Variants in MYH7B observed in about 807,000 individuals in gnomAD.
The protein encoded by MYH7B is myosin-7B.
Under a neutral mutation model 234.5 loss-of-function variants are expected in MYH7B, and 205 were observed. The ratio of observed to expected loss-of-function variants is 0.87; its 90% confidence interval spans 0.78 to 0.98. The LOEUF (loss-of-function observed/expected upper bound fraction) is 0.98, where lower values mean the gene tolerates loss of function less well. MYH7B is among the 50% of genes least tolerant of loss of function. The probability of loss-of-function intolerance (pLI) is 0.00; values close to 1 mark genes in which losing one functional copy is unlikely to be tolerated. For synonymous variants in MYH7B, 1,193 were observed against 1,105.0 expected, an observed-to-expected ratio of 1.08 and a Z score of -1.58; for missense variants, 2,652 against 2,633.4, an observed-to-expected ratio of 1.01 and a Z score of -0.15.
chr20:34,959,081 G>C (rs1344993113), intron 2 of MYH7B, among the ~76,000 whole-genome samples: 1 of 152,140 alleles, frequency 6.6e-6, no homozygotes, highest in Non-Finnish European at 1.5e-5. Flanking sequence ...ATCTCCATTG[G>C]GTGAATAAGA....
intron 20 of MYH7B, 26 bp from the exon 21 acceptor site, chr20:34,989,988 G>C: frequency 6.2e-7 from 1 of 1,613,650 alleles, no homozygotes; most frequent in Non-Finnish European, 8.5e-7. Context: ...TCCCACCCGG[G>C]CTCAGCACCT....
At chr20:34,997,018 A>AC in intron 30 of MYH7B, 65 bp from the exon 31 acceptor site, 1 of 1,363,112 alleles carries the variant, frequency 7.3e-7, no homozygotes, top group Non-Finnish European at 9.5e-7. Context: ...GGGGGGCGTT[A>AC]TGGGGTCCCA....
intron 5 of MYH7B, among the ~76,000 whole-genome samples, 177 bp downstream of exon 5, chr20:34,978,273 T>C (rs978229857): frequency 2.6e-5 from 4 of 152,120 alleles, no homozygotes; most frequent in African/African-American, 7.2e-5. Context: ...CCAGGGACAC[T>C]GTATATCACT....
Position 35,000,751 on chromosome 20 carries a change from ACTC to A in MYH7B, c.5179-13_5179-11del, listed in dbSNP as rs2082357374. On this transcript the variant is annotated splice_polypyrimidine_tract_variant and intron_variant, in intron 39 of 44. Transcript: ENST00000262873. ...GGCCTGCTGGCTGGCTGGCTCTGAG[ACTC>A]CTCTTCCCCTCAGAACACAGGCCTC... is the stretch of plus-strand genomic sequence containing the variant. The A allele has an allele frequency of 2.5e-6, 4 of 1,609,524 alleles. No individual in the cohort carries two copies. The highest frequency in any genetic ancestry group is 3.4e-6 in the Non-Finnish European group (4 of 1,178,128).
intron 10 of MYH7B, among the ~76,000 whole-genome samples, chr20:34,984,007 G>GTGAC (rs1164746839): frequency 1.3e-5 from 2 of 152,206 alleles, no homozygotes; most frequent in Admixed American, 1.3e-4. Flanking sequence ...GTCCCCCTGG[G>GTGAC]TGACACACAG....
intron 24 of MYH7B, among the ~76,000 whole-genome samples, chr20:34,992,303 C>G (rs985820460): frequency 2.0e-5 from 3 of 150,638 alleles, no homozygotes; most frequent in South Asian, 2.1e-4. Flanking sequence ...GGAGAATGGC[C>G]TGAACCCGGG....
exon 36 of MYH7B, chr20:34,999,134 G>A (rs1332937969): frequency 1.2e-6 from 2 of 1,613,644 alleles, no homozygotes; most frequent in East Asian, 2.2e-5. Flanking sequence ...CGTTGGAGAA[G>A]GCCAAGCTGC....
chr20:35,001,305 G>A (rs1453252811), exon 42 of MYH7B: 1 of 1,612,682 alleles, frequency 6.2e-7, no homozygotes, highest in Admixed American at 1.7e-5. Context: ...GGCCCTTAAG[G>A]GCGTGCGCAA....
chr20:34,989,894 TCGAGGTGGTCCACTA>T, exon 20 of MYH7B: 1 of 1,614,102 alleles, frequency 6.2e-7, no homozygotes, highest in South Asian at 1.1e-5. Context: ...CAGGCCCACT[TCGAGGTGGTCCACTA>T]CGCAGGCGTG....
chr20:34,995,608 C>A, intron 28 of MYH7B, 30 bp downstream of exon 28: 1 of 1,609,734 alleles, frequency 6.2e-7, no homozygotes, highest in East Asian at 2.2e-5. Flanking sequence ...TGGGGAAGGG[C>A]CCTGAGCCAG....
chr20:34,986,607 G>A (rs2082027965), intron 14 of MYH7B, among the ~76,000 whole-genome samples: 1 of 152,242 alleles, frequency 6.6e-6, no homozygotes, highest in South Asian at 2.1e-4. Flanking sequence ...GTCAAAAGAT[G>A]AGTGAGACGT....
intron 26 of MYH7B, among the ~76,000 whole-genome samples, 183 bp downstream of exon 26, chr20:34,993,653 C>T (rs1437222339): frequency 1.3e-5 from 2 of 152,248 alleles, no homozygotes; most frequent in Non-Finnish European, 2.9e-5. Flanking sequence ...CGGGGTACGG[C>T]ACTTGCCTCT....
At chr20:34,977,664 C>A in exon 4 of MYH7B, 1 of 1,560,268 alleles carries the variant, frequency 6.4e-7, no homozygotes, top group East Asian at 2.4e-5. Flanking sequence ...GCTTCCTGCC[C>A]TCACCGTGGT....
exon 45 of MYH7B, chr20:35,002,268 C>A: frequency 1.4e-6 from 2 of 1,454,276 alleles, no homozygotes; most frequent in South Asian, 1.4e-5. Context: ...ATCCTGCCAT[C>A]TCTGCATCGC....
Position 34,997,407 on chromosome 20 carries a change from C to T in MYH7B, c.3514C>T (p.Arg1172Cys), listed in dbSNP as rs757063100. ...ATCCGCGGGGCAGCGCGAGGGCTGC[C>T]GCAAGCGGGAGGCGGAGCTGGGGAG... Residue 1172 changes from arginine to cysteine, a missense_variant, in exon 32 of 45, where the codon CGC (arginine) becomes TGC (cysteine). By Grantham distance (180) the Arg-to-Cys change is radical (BLOSUM62 -3). Transcript: ENST00000262873. 1.1e-4 allele frequency: 164 copies of T among 1,478,584 alleles called. 1 individual carries two copies. The highest frequency in any genetic ancestry group is 7.7e-4 in the Admixed American group (28 of 36,188). 91.6% of individuals were successfully genotyped at this position (1,478,584 alleles called of 1,614,324 possible).
At chr20:34,996,705 G>A in exon 30 of MYH7B, 1 of 1,613,588 alleles carries the variant, frequency 6.2e-7, no homozygotes. Context: ...TGACGCAGGA[G>A]TCGGTGGCTG....
In MYH7B at chr20:34,979,377, C is replaced by G. The variant is rs1239915838; in HGVS notation, c.92-13C>G. 6.2e-7 allele frequency: 1 copy of G among 1,604,930 alleles called. No individual in the cohort carries two copies. The highest frequency in any genetic ancestry group is 8.5e-7 in the Non-Finnish European group (1 of 1,174,312). ...AGCCCCTCTCTGAGTCCAGAGCTCTCTCTGCAACCCAGGGAAGAAGCGAGT... is the reference window on the plus strand; with the variant it reads ...AGCCCCTCTCTGAGTCCAGAGCTCTGTCTGCAACCCAGGGAAGAAGCGAGT... On this transcript the variant is annotated splice_polypyrimidine_tract_variant and intron_variant, in intron 5 of 44. Transcript: ENST00000262873.
At chr20:34,987,777 G>T (rs1263064162) in exon 18 of MYH7B, 2 of 1,614,246 alleles carry the variant, frequency 1.2e-6, no homozygotes, top group Non-Finnish European at 1.7e-6. Flanking sequence ...GGTGTTTGCT[G>T]TGGGGGCTCT....
In MYH7B at chr20:34,977,694, G is replaced by A; in HGVS notation, c.-73+14G>A. 6.4e-6 allele frequency: 10 copies of A among 1,567,492 alleles called. No homozygotes were observed. In the South Asian group the frequency reaches 7.0e-5, roughly 11 times the overall value. On this transcript the variant is annotated intron_variant, in intron 4 of 44. Coordinates refer to ENST00000262873, the Ensembl canonical transcript of MYH7B. ...CGTGGTGCCGAGGTAGGTGATCAGGGCTGGGGTTGGAGCCGAAGGGAGGGC... is the reference window on the plus strand; with the variant it reads ...CGTGGTGCCGAGGTAGGTGATCAGGACTGGGGTTGGAGCCGAAGGGAGGGC...
Sources: gnomAD v4.1 joint callset for allele counts (sites outside exome capture counted in the v4.1 genomes callset) on GRCh38, gnomAD v4.1.1 for gene constraint, MANE v1.5 for transcripts, NCBI Gene and HGNC (gene_info 2026-07-23, HGNC 2026-07-21) for gene names.